The following PDE5A variants were observed in gnomAD, a reference collection of about 807,000 sequenced individuals.
The protein encoded by PDE5A is phosphodiesterase 5A, also known as cGMP-specific 3',5'-cyclic phosphodiesterase.
Under a neutral mutation model 110.2 loss-of-function variants are expected in PDE5A, and 67 were observed. The ratio of observed to expected loss-of-function variants is 0.61; its 90% CI spans 0.50 to 0.75. The LOEUF is 0.75. PDE5A is among the 30% of genes least tolerant of loss of function. The pLI is 0.00. For synonymous variants in PDE5A, 328 were observed against 351.2 expected (o/e 0.93, Z 0.74); for missense variants, 862 against 1,045.1 (o/e 0.82, Z 2.42).
At chr4:119,499,130 C>T (rs1298366285) in intron 20 of PDE5A, among the ~76,000 whole-genome samples, 1 of 152,160 alleles carries the variant, frequency 6.6e-6, no homozygotes, top group Non-Finnish European at 1.5e-5. Context: ...ATACAATGTA[C>T]TTAAATAGGC....
In PDE5A at chr4:119,627,162, C is replaced by T; in HGVS notation, c.152+1358G>A. On this transcript the variant is annotated intron_variant, in intron 1 of 20. Coordinates refer to ENST00000354960, the MANE Select transcript of PDE5A (RefSeq NM_001083.4). The surrounding 1 kb of genome is among the most constrained non-coding windows in gnomAD (Gnocchi z 4.6). Reference sequence around the variant, plus strand: ...CTGAAGGAAGTACCTTGTTTTGTCTCCAAAGGGCAACATAGCAAACGTGGG... The same window carrying T: ...CTGAAGGAAGTACCTTGTTTTGTCTTCAAAGGGCAACATAGCAAACGTGGG... 6.2e-7 allele frequency: 1 copy of T among 1,613,290 alleles called. No homozygotes were observed. Among genetic ancestry groups the T allele is most frequent in the Non-Finnish European group, 8.5e-7 (1 of 1,179,592 alleles).
At chr4:119,540,244 A>G (rs1470309564) in intron 10 of PDE5A, among the ~76,000 whole-genome samples, 1 of 152,066 alleles carries the variant, frequency 6.6e-6, no homozygotes, top group Non-Finnish European at 1.5e-5. Context: ...AAAGTAATTC[A>G]GCAACCCAAA....
At chr4:119,549,475 T>C (rs1727261320) in intron 9 of PDE5A, 2 of 152,200 alleles carry the variant, frequency 1.3e-5, no homozygotes, top group South Asian at 4.1e-4. Context: ...AAACAATGTG[T>C]GGTACAGCAC....
intron 14 of PDE5A, among the ~76,000 whole-genome samples, chr4:119,516,299 T>C (rs1725903368): frequency 6.6e-6 from 1 of 152,238 alleles, no homozygotes; most frequent in Admixed American, 6.5e-5. Flanking sequence ...CAATTCTTAA[T>C]GGCAAGAATC....
intron 3 of PDE5A, among the ~76,000 whole-genome samples, chr4:119,578,790 T>G (rs1228706081): frequency 6.6e-6 from 1 of 152,164 alleles, no homozygotes. Context: ...AAGGACTTCA[T>G]GTCTAAAACA....
At chr4:119,610,344 A>G (rs1729700788) in intron 1 of PDE5A, among the ~76,000 whole-genome samples, 1 of 152,242 alleles carries the variant, frequency 6.6e-6, no homozygotes, top group African/African-American at 2.4e-5. Context: ...TAAGACAGGA[A>G]AAAAGCAATA....
intron 14 of PDE5A, among the ~76,000 whole-genome samples, chr4:119,518,032 G>GCTAT (rs1365780025): frequency 5.9e-5 from 9 of 152,154 alleles, no homozygotes; most frequent in African/African-American, 1.9e-4. Flanking sequence ...GCAAGAGCTT[G>GCTAT]CTATCTTTTC....
At chr4:119,555,999 A>G (rs114874788) in intron 7 of PDE5A, among the ~76,000 whole-genome samples, 674 of 152,346 alleles carry the variant, frequency 4.4e-3, no homozygotes, top group Non-Finnish European at 7.6e-3. Flanking sequence ...CCTTAGCAGT[A>G]TATGGGCGAC....
intron 9 of PDE5A, among the ~76,000 whole-genome samples, chr4:119,546,078 T>C (rs1727121289): frequency 6.6e-6 from 1 of 152,164 alleles, no homozygotes; most frequent in Non-Finnish European, 1.5e-5. Flanking sequence ...CCTAGTACTT[T>C]TATAGATGTA....
At position 119,495,291 on chromosome 4, in the gene PDE5A, G is replaced by A. The variant is rs547053814; in HGVS notation, c.*3310C>T. 5.5e-4 allele frequency: 83 copies of A among 152,194 alleles called. No individual in the cohort carries two copies. The highest frequency in any genetic ancestry group is 1.8e-3 in the African/African-American group (76 of 41,540). 9.4% of individuals were successfully genotyped at this position (152,194 alleles called of 1,614,324 possible). A position where few individuals can be genotyped will look rare whatever the true frequency, so the allele number is the denominator to read the frequency against. On this transcript the variant is annotated 3_prime_UTR_variant, in exon 21 of 21. Coordinates refer to ENST00000354960, the MANE Select transcript of PDE5A (RefSeq NM_001083.4). ...CTGCTCTGTCTCCACAGCAGAGCAC[G>A]GTACCTAACATGTGGCAGGACTCAA...
chr4:119,537,554 G>A (rs1726770782), intron 11 of PDE5A, among the ~76,000 whole-genome samples: 1 of 151,716 alleles, frequency 6.6e-6, no homozygotes, highest in Non-Finnish European at 1.5e-5. Context: ...TTCTTTTCCT[G>A]TTCCTTCCAT....
chr4:119,575,227 G>T (rs1293972224), intron 3 of PDE5A, among the ~76,000 whole-genome samples: 1 of 152,228 alleles, frequency 6.6e-6, no homozygotes, highest in East Asian at 1.9e-4. Context: ...ACCTGAAAGT[G>T]ACAGGGAGAA....
intron 7 of PDE5A, among the ~76,000 whole-genome samples, chr4:119,558,510 C>A (rs1727619679): frequency 6.6e-6 from 1 of 151,956 alleles, no homozygotes; most frequent in African/African-American, 2.4e-5. Context: ...TAAATCCTAC[C>A]AATAATCAGT....
At chr4:119,577,716 C>T (rs2110518250) in intron 3 of PDE5A, among the ~76,000 whole-genome samples, 1 of 152,224 alleles carries the variant, frequency 6.6e-6, no homozygotes, top group African/African-American at 2.4e-5. Flanking sequence ...TATGACAAAC[C>T]CACAGCCAAT....
In PDE5A at chr4:119,607,001, G is replaced by A. The variant is rs915813139; in HGVS notation, c.449C>T (p.Ser150Leu). 1 of 1,614,114 alleles carries A rather than the reference G, an allele frequency of 6.2e-7. No homozygotes were observed. Among genetic ancestry groups the A allele is most frequent in the Non-Finnish European group, 8.5e-7 (1 of 1,180,014 alleles). ...RFDHDEGDQCSRLLELVKDIS... is the reference protein window; with the variant it reads ...RFDHDEGDQCLRLLELVKDIS... ...ATCCTTCACTAATTCCAAGAGTCTT[G>A]AGCACTGGTCCCCTTCATCATGATC... Residue 150 changes from serine (S) to leucine (L), a missense_variant, in exon 2 of 21, where the codon TCA becomes TTA. Ser to Leu is a moderately radical substitution (Grantham distance 145, BLOSUM62 -2). Transcript: ENST00000354960.
intron 14 of PDE5A, among the ~76,000 whole-genome samples, chr4:119,511,742 G>A (rs1725750561): frequency 6.6e-6 from 1 of 152,104 alleles, no homozygotes; most frequent in Non-Finnish European, 1.5e-5. Context: ...GGTCATTTTA[G>A]TGCAGAATAT....
At chr4:119,543,553 A>G (rs1181767422) in intron 9 of PDE5A, among the ~76,000 whole-genome samples, 1 of 152,172 alleles carries the variant, frequency 6.6e-6, no homozygotes, top group East Asian at 1.9e-4. Flanking sequence ...TTCTCATTTT[A>G]CAGATGAGGA....
chr4:119,521,487 G>C (rs192704999), intron 12 of PDE5A, among the ~76,000 whole-genome samples: 1 of 151,446 alleles, frequency 6.6e-6, no homozygotes, highest in Admixed American at 6.6e-5. Flanking sequence ...AGCCATAAAA[G>C]CGGCCACTCC....
At chr4:119,619,805 C>A (rs766678996) in intron 1 of PDE5A, among the ~76,000 whole-genome samples, 12 of 152,168 alleles carry the variant, frequency 7.9e-5, no homozygotes, top group Non-Finnish European at 1.8e-4. Flanking sequence ...ATGACATTAT[C>A]TCCATTTTAC....
Sources: allele counts gnomAD v4.1 joint callset (sites outside exome capture counted in the v4.1 genomes callset), GRCh38; gene constraint gnomAD v4.1.1; non-coding constraint Gnocchi (gnomAD v3.1); transcripts MANE v1.5; gene names NCBI Gene and HGNC (gene_info 2026-07-23, HGNC 2026-07-21).